BCKDK: variants seen among roughly 807,000 people sequenced by gnomAD.
BCKDK encodes the protein branched-chain alpha-ketoacid dehydrogenase kinase.
A neutral mutation model predicts 43.9 loss-of-function variants in BCKDK; 28 were observed. The observed-to-expected ratio is 0.64, with a 90% CI of 0.47 to 0.87. The LOEUF (loss-of-function observed/expected upper bound fraction) is 0.87. BCKDK is among the 40% of genes least tolerant of loss of function. The pLI is 0.00. For missense variants in BCKDK, 483 were observed against 581.4 expected (o/e 0.83, Z 1.74); for synonymous variants, 257 against 234.3 (o/e 1.10, Z -0.88).
rs1399877339 is a variant in BCKDK, at chr16:31,111,946, C to A, written c.1013C>A (p.Ala338Asp). 3.1e-6 allele frequency: 5 copies of A among 1,614,162 alleles called. No homozygotes were observed. Among genetic ancestry groups the A allele is most frequent in the Middle Eastern group, 1.6e-4 (1 of 6,062 alleles). ...VMDYHFTTAE[A>D]STQDPRISPL... is the part of the protein sequence containing the mutation. ...GACTACCACTTCACTACTGCTGAGGCCAGCACACAGGACCCCCGGATCAGC... is the reference window on the plus strand; with the variant it reads ...GACTACCACTTCACTACTGCTGAGGACAGCACACAGGACCCCCGGATCAGC... The change falls in exon 11 of 12, where the codon GCC becomes GAC. Residue 338 changes from alanine to aspartate, a missense_variant. Transcript: ENST00000219794.
Position 31,109,592 on chromosome 16 carries a change from C to T in BCKDK, c.264+13C>T. ...CAGCCACCTTCTGGTAAGATTCACG[C>T]CCTCTATTTTCCTCGTGGATCCTGG... On this transcript the variant is annotated intron_variant, in intron 3 of 11. Transcript: ENST00000219794. This position sits in a 1 kb window ranked among gnomAD's most constrained non-coding sequence, Gnocchi z 5.3. 1 of 1,614,052 alleles carries T rather than the reference C, an allele frequency of 6.2e-7. No individual in the cohort carries two copies. The highest frequency in any genetic ancestry group is 1.3e-5 in the African/African-American group (1 of 75,040).
Position 31,109,834 on chromosome 16 carries a change from G to C in BCKDK, c.375+51G>C. The C allele has an allele frequency of 6.3e-7, 1 of 1,580,460 alleles. No individual in the cohort carries two copies. Among genetic ancestry groups the C allele is most frequent in the Non-Finnish European group, 8.7e-7 (1 of 1,150,780 alleles). The stretch of plus-strand genomic sequence containing the variant: ...GCGGGCCACCCTGCCCCGGGGGCAA[G>C]TGGGGAGTCTGGGGCCCAGAGTGGC... On this transcript the variant is annotated intron_variant, in intron 4 of 11. Transcript: ENST00000219794. This position sits in a 1 kb window ranked among gnomAD's most constrained non-coding sequence, Gnocchi z 5.3.
Position 31,109,904 on chromosome 16 carries a change from C to A in BCKDK, c.375+121C>A. 1 of 1,369,536 alleles carries A rather than the reference C, an allele frequency of 7.3e-7. No individual in the cohort carries two copies. The highest frequency in any genetic ancestry group is 1.2e-5 in the South Asian group (1 of 84,028). 84.8% of individuals were successfully genotyped at this position (1,369,536 alleles called of 1,614,324 possible). On this transcript the variant is annotated intron_variant, in intron 4 of 11. Coordinates refer to ENST00000219794, the MANE Select transcript of BCKDK (RefSeq NM_005881.4). The surrounding 1 kb of genome is among the most constrained non-coding windows in gnomAD (Gnocchi z 5.3). The stretch of plus-strand genomic sequence containing the variant: ...GGTGTCAGGGCCACACAGGATTCAA[C>A]CCCAGGCCTTCAGAAGCCAAAGGTG...
chr16:31,111,296 A>G lies in BCKDK; in HGVS notation c.846-4A>G, dbSNP rs1178301341. 6.2e-7 allele frequency: 1 copy of G among 1,614,134 alleles called. No homozygotes were observed. The highest frequency in any genetic ancestry group is 1.7e-5 in the Admixed American group (1 of 60,014). On this transcript the variant is annotated splice_region_variant and splice_polypyrimidine_tract_variant and intron_variant, in intron 9 of 11. Transcript: ENST00000219794. ...GTACCTACTGGTCTTTCCCCTCTGC[A>G]TAGAGCCACAATGGAGAGTCACCTA...
At position 31,110,483 on chromosome 16, in the gene BCKDK, C is replaced by T. The variant is rs768365083; in HGVS notation, c.626C>T (p.Ala209Val). 28 of 1,613,706 alleles carry T rather than the reference C, an allele frequency of 1.7e-5. No individual in the cohort carries two copies. The highest frequency in any genetic ancestry group is 1.3e-4 in the South Asian group (12 of 91,086). ...GIRMLATHHL[A>V]LHEDKPDFVG... ...CGCATGTTGGCCACGCATCACCTGGCGCTGCATGAGGACAAGGTGGGGCTC... is the reference window on the plus strand; with the variant it reads ...CGCATGTTGGCCACGCATCACCTGGTGCTGCATGAGGACAAGGTGGGGCTC... Residue 209 changes from alanine to valine, a missense_variant, in exon 7 of 12, where the codon GCG (alanine) becomes GTG (valine). Ala to Val is a moderately conservative substitution (Grantham distance 64, BLOSUM62 0). Coordinates refer to ENST00000219794, the MANE Select transcript of BCKDK (RefSeq NM_005881.4). This position sits in a 1 kb window ranked among gnomAD's most constrained non-coding sequence, Gnocchi z 5.4.
Position 31,110,506 on chromosome 16 carries a change from C to G in BCKDK, c.642+7C>G, listed in dbSNP as rs1377802296. The G allele has an allele frequency of 6.2e-7, 1 of 1,613,580 alleles. No individual in the cohort carries two copies. Among genetic ancestry groups the G allele is most frequent in the Non-Finnish European group, 8.5e-7 (1 of 1,179,858 alleles). ...GGCGCTGCATGAGGACAAGGTGGGG[C>G]TCTGGGACCTGAGACCCACCTGGGA... On this transcript the variant is annotated splice_region_variant and intron_variant, in intron 7 of 11. Coordinates refer to ENST00000219794, the MANE Select transcript of BCKDK (RefSeq NM_005881.4). This position sits in a 1 kb window ranked among gnomAD's most constrained non-coding sequence, Gnocchi z 5.4.
rs1005322977 is a variant in BCKDK at position 31,108,438 on chromosome 16, G to C, written c.-219G>C. On this transcript the variant is annotated 5_prime_UTR_variant, in exon 1 of 12. Coordinates refer to ENST00000219794, the MANE Select transcript of BCKDK (RefSeq NM_005881.4). This position sits in a 1 kb window ranked among gnomAD's most constrained non-coding sequence, Gnocchi z 6.2. ...TGGGCGCCTGGCGAGTGGACTGTTC[G>C]AGCCCTTCCGCTGGGACCCGGGCCC... The C allele has an allele frequency of 6.6e-6, 1 of 152,240 alleles. No homozygotes were observed. The highest frequency in any genetic ancestry group is 2.1e-4 in the South Asian group (1 of 4,836). The allele number at this position is 152,240 out of a possible 1,614,324, so 9.4% of individuals were successfully genotyped here. A position where few individuals can be genotyped will look rare whatever the true frequency, so the allele number is the denominator to read the frequency against.
In BCKDK at chr16:31,110,144, A is replaced by G; in HGVS notation, c.423+20A>G. ...CCTCCGGTGAGTGCTGGGCCAGAGC[A>G]GGGTGAGGGGCTGAGAGGTTGGGCT... On this transcript the variant is annotated intron_variant, in intron 5 of 11. Coordinates refer to ENST00000219794, the MANE Select transcript of BCKDK (RefSeq NM_005881.4). The surrounding 1 kb of genome is among the most constrained non-coding windows in gnomAD (Gnocchi z 5.4). 6.2e-7 allele frequency: 1 copy of G among 1,614,194 alleles called. No individual in the cohort carries two copies. Among genetic ancestry groups the G allele is most frequent in the African/African-American group, 1.3e-5 (1 of 75,054 alleles).
At chr16:31,113,326 G>A (rs2057428422), downstream of BCKDK, among the ~76,000 whole-genome samples, 2 of 152,224 alleles carry the variant, frequency 1.3e-5, no homozygotes, top group Admixed American at 6.5e-5. Context: ...GTATGTGGAA[G>A]CCAAATGGCA....
chr16:31,111,261 CG>C (rs5816521), intron 9 of BCKDK, 38 bp from the exon 10 acceptor site: 1 of 1,614,106 alleles, frequency 6.2e-7, no homozygotes, highest in South Asian at 1.1e-5. Context: ...GGACAGGAAC[CG>C]GGGTGCTTGT....
At position 31,109,721 on chromosome 16, in the gene BCKDK, C is replaced by A; in HGVS notation, c.313C>A (p.Arg105Ser). 6.2e-7 allele frequency: 1 copy of A among 1,613,970 alleles called. No homozygotes were observed. Among genetic ancestry groups the A allele is most frequent in the Non-Finnish European group, 8.5e-7 (1 of 1,180,018 alleles). Residue 105 changes from arginine (R) to serine (S), a missense_variant, in exon 4 of 12, where the codon CGC becomes AGC. Coordinates refer to ENST00000219794, the MANE Select transcript of BCKDK (RefSeq NM_005881.4). The surrounding 1 kb of genome is among the most constrained non-coding windows in gnomAD (Gnocchi z 5.3). The stretch of plus-strand genomic sequence containing the variant: ...AGAACTTCCAGTGAGGATTGCTCAC[C>A]GCATCAAGGGCTTCCGCTGCCTTCC... ...QQELPVRIAH[R>S]IKGFRCLPFI...
chr16:31,117,433 G>A (rs1457859427), downstream of BCKDK: 1 of 381,778 alleles, frequency 2.6e-6, no homozygotes, highest in Non-Finnish European at 4.6e-6. Flanking sequence ...CATCGCATGA[G>A]GTAAGTCTGT....
At chr16:31,114,762 T>C (rs1251343678), downstream of BCKDK, among the ~76,000 whole-genome samples, 1 of 152,210 alleles carries the variant, frequency 6.6e-6, no homozygotes. Context: ...CTGCTGGGGA[T>C]TGGTTCCAGG....
chr16:31,111,246 G>C (rs778389231), intron 9 of BCKDK, 27 bp downstream of exon 9: 10 of 1,614,114 alleles, frequency 6.2e-6, no homozygotes, highest in Non-Finnish European at 8.5e-6. Context: ...TGCTGGCTTG[G>C]GGGCGGACAG....
In BCKDK at chr16:31,109,829, G is replaced by A; in HGVS notation, c.375+46G>A. The A allele has an allele frequency of 6.3e-7, 1 of 1,585,700 alleles. No individual in the cohort carries two copies. The highest frequency in any genetic ancestry group is 8.7e-7 in the Non-Finnish European group (1 of 1,155,398). ...GGTCAGCGGGCCACCCTGCCCCGGG[G>A]GCAAGTGGGGAGTCTGGGGCCCAGA... is the stretch of plus-strand genomic sequence containing the variant. On this transcript the variant is annotated intron_variant, in intron 4 of 11. Transcript: ENST00000219794. The surrounding 1 kb of genome is among the most constrained non-coding windows in gnomAD (Gnocchi z 5.3).
chr16:31,116,927 A>AG (rs1219944810), downstream of BCKDK, among the ~76,000 whole-genome samples: 110 of 9,494 alleles, frequency 0.012, no homozygotes, highest in Non-Finnish European at 0.017. Flanking sequence ...AAAAAAAAAA[A>AG]AGGGGGGGGG....
chr16:31,108,987 G>A lies in BCKDK; in HGVS notation c.-177-60G>A, dbSNP rs993013828. ...CTGGGGAGACCGATGCACAGGTGGA[G>A]AGATGGTGCGGGTTCTGTGGATTCG... On this transcript the variant is annotated intron_variant, in intron 1 of 11. Coordinates refer to ENST00000219794, the MANE Select transcript of BCKDK (RefSeq NM_005881.4). The surrounding 1 kb of genome is among the most constrained non-coding windows in gnomAD (Gnocchi z 6.2). The A allele has an allele frequency of 4.4e-6, 2 of 450,658 alleles. No individual in the cohort carries two copies. The highest frequency in any genetic ancestry group is 4.0e-5 in the African/African-American group (2 of 49,948). 27.9% of individuals were successfully genotyped at this position (450,658 alleles called of 1,614,324 possible).
In BCKDK at chr16:31,112,343, C is replaced by G. The variant is rs1334348824; in HGVS notation, c.*78C>G. 3.1e-6 allele frequency: 5 copies of G among 1,588,336 alleles called. No homozygotes were observed. Among genetic ancestry groups the G allele is most frequent in the South Asian group, 1.1e-5 (1 of 90,582 alleles). On this transcript the variant is annotated 3_prime_UTR_variant, in exon 12 of 12. Coordinates refer to ENST00000219794, the MANE Select transcript of BCKDK (RefSeq NM_005881.4). The surrounding 1 kb of genome is among the most constrained non-coding windows in gnomAD (Gnocchi z 5.0). ...GGACCTCCCGGGTCAGGCAGGGCGGCCCCCTGCTCCACACACTGCTGCATC... is the reference window on the plus strand; with the variant it reads ...GGACCTCCCGGGTCAGGCAGGGCGGGCCCCTGCTCCACACACTGCTGCATC...
downstream of BCKDK, among the ~76,000 whole-genome samples, chr16:31,116,935 G>GGT (rs1417392161): frequency 8.3e-6 from 1 of 120,726 alleles, no homozygotes. Context: ...AAAAGGGGGG[G>GGT]GGGCGGGGAG....
Sources: gnomAD v4.1 joint callset for allele counts (sites outside exome capture counted in the v4.1 genomes callset) on GRCh38, gnomAD v4.1.1 for gene constraint, Gnocchi (gnomAD v3.1) non-coding constraint, MANE v1.5 for transcripts, NCBI Gene and HGNC (gene_info 2026-07-23, HGNC 2026-07-21) for gene names.